Variants in TRAPPC8 observed in about 807,000 individuals in gnomAD.
The protein encoded by TRAPPC8 is trafficking protein particle complex subunit 8.
A neutral mutation model predicts 174.3 loss-of-function variants in TRAPPC8; 54 were observed. The ratio of observed to expected loss-of-function variants is 0.31; its 90% CI spans 0.25 to 0.39. The LOEUF is 0.39. Ranked by LOEUF, TRAPPC8 falls within the 10% of genes least tolerant of loss-of-function variation. The probability of loss-of-function intolerance (pLI) is 1.00; values close to 1 mark genes in which losing one functional copy is unlikely to be tolerated. For missense variants in TRAPPC8, 1,531 were observed against 1,699.1 expected, an observed-to-expected ratio of 0.90 and a Z score of 1.74; for synonymous variants, 630 against 579.9, an observed-to-expected ratio of 1.09 and a Z score of -1.24.
rs745891544 is a variant in TRAPPC8 at position 31,909,642 on chromosome 18, A to C, written c.865+25T>G. ...CAGTGCATATTTTCAATCAAAAGAGAAACTTAGAGAAAATATATCAAGACC... is the reference window on the plus strand; with the variant it reads ...CAGTGCATATTTTCAATCAAAAGAGCAACTTAGAGAAAATATATCAAGACC... On this transcript the variant is annotated intron_variant, in intron 6 of 28. Transcript: ENST00000283351. The C allele has an allele frequency of 1.9e-6, 3 of 1,581,956 alleles. No homozygotes were observed. In the African/African-American group the frequency reaches 4.1e-5, roughly 22 times the overall value.
intron 12 of TRAPPC8, among the ~76,000 whole-genome samples, chr18:31,888,970 A>T (rs1331350829): frequency 6.6e-6 from 1 of 152,180 alleles, no homozygotes; most frequent in Non-Finnish European, 1.5e-5. Flanking sequence ...ACTAGGCCTC[A>T]AGTCAGAATT....
chr18:31,861,425 T>A (rs1286211042), intron 19 of TRAPPC8, among the ~76,000 whole-genome samples: 2 of 151,990 alleles, frequency 1.3e-5, no homozygotes, highest in Non-Finnish European at 2.9e-5. Flanking sequence ...TTCAACAGAG[T>A]TAAAAATCCA....
intron 1 of TRAPPC8, among the ~76,000 whole-genome samples, chr18:31,936,403 G>A (rs1414506306): frequency 2.0e-5 from 3 of 152,120 alleles, no homozygotes; most frequent in Admixed American, 6.6e-5. Context: ...GGTCGAGGCT[G>A]CAGTGAACCA....
chr18:31,890,108 T>C (rs1448295534), intron 12 of TRAPPC8, among the ~76,000 whole-genome samples: 3 of 152,200 alleles, frequency 2.0e-5, no homozygotes, highest in African/African-American at 7.2e-5. Flanking sequence ...AATATAGAGA[T>C]GGTTGTTTAA....
intron 3 of TRAPPC8, among the ~76,000 whole-genome samples, chr18:31,916,817 A>G (rs2037170034): frequency 6.9e-6 from 1 of 145,124 alleles, no homozygotes; most frequent in African/African-American, 2.5e-5. Flanking sequence ...TATAGGCATG[A>G]GCCACCGTGC....
chr18:31,909,543 C>A, intron 6 of TRAPPC8, 124 bp downstream of exon 6: 1 of 1,406,218 alleles, frequency 7.1e-7, no homozygotes, highest in South Asian at 1.6e-5. Flanking sequence ...GAAAAACTAA[C>A]CTGCCCAATA....
chr18:31,940,845 A>T (rs1042367152), intron 1 of TRAPPC8, among the ~76,000 whole-genome samples: 5 of 152,154 alleles, frequency 3.3e-5, no homozygotes, highest in Non-Finnish European at 5.9e-5. Flanking sequence ...TCAATTAGAC[A>T]GCACTGCTCT....
intron 1 of TRAPPC8, among the ~76,000 whole-genome samples, chr18:31,937,815 T>C (rs1027610223): frequency 1.3e-5 from 2 of 152,096 alleles, no homozygotes; most frequent in African/African-American, 4.8e-5. Context: ...GTGATTCTCC[T>C]GCCTCAGCCT....
intron 2 of TRAPPC8, among the ~76,000 whole-genome samples, chr18:31,923,670 G>A (rs192392045): frequency 8.9e-4 from 134 of 151,204 alleles, no homozygotes; most frequent in Non-Finnish European, 1.6e-3. Flanking sequence ...GTACTTCATC[G>A]TATCTCATTC....
At chr18:31,862,118 T>C (rs975584242) in intron 19 of TRAPPC8, among the ~76,000 whole-genome samples, 1 of 152,146 alleles carries the variant, frequency 6.6e-6, no homozygotes, top group African/African-American at 2.4e-5. Flanking sequence ...AAAATGTTCA[T>C]TAGTTCAAGA....
chr18:31,832,363 CAAT>C (rs113509740), intron 27 of TRAPPC8, 190 bp from the exon 28 acceptor site: 4,830 of 233,742 alleles, frequency 0.021, 238 homozygotes, highest in African/African-American at 0.1. Flanking sequence ...TATATTAATA[CAAT>C]GACAATATTA....
chr18:31,836,966 G>T (rs564003646), intron 27 of TRAPPC8, among the ~76,000 whole-genome samples: 3 of 152,090 alleles, frequency 2.0e-5, no homozygotes, highest in South Asian at 4.1e-4. Flanking sequence ...GTTTCACCGT[G>T]TTAGCCAGGA....
intron 11 of TRAPPC8, among the ~76,000 whole-genome samples, chr18:31,892,168 A>G (rs2035979579): frequency 6.6e-6 from 1 of 152,238 alleles, no homozygotes; most frequent in South Asian, 2.1e-4. Context: ...TTTGAAGAAA[A>G]AAGTGAACAT....
At chr18:31,836,416 T>G (rs770945094) in intron 27 of TRAPPC8, among the ~76,000 whole-genome samples, 2 of 152,174 alleles carry the variant, frequency 1.3e-5, no homozygotes, top group Non-Finnish European at 2.9e-5. Flanking sequence ...CTAAGTAGAA[T>G]GATGTAGAGA....
rs117189548 is a variant in TRAPPC8, at chr18:31,931,167, T to C, written c.352+162A>G. On this transcript the variant is annotated intron_variant, in intron 2 of 28. Coordinates refer to ENST00000283351, the MANE Select transcript of TRAPPC8 (RefSeq NM_014939.5). ...GATACTACTTTAGGTCCTAAAATAATAAACAGGCAAAGTTCCTAGGACTGT... is the reference window on the plus strand; with the variant it reads ...GATACTACTTTAGGTCCTAAAATAACAAACAGGCAAAGTTCCTAGGACTGT... 4.5e-3 allele frequency among the ~76,000 whole-genome samples: 688 copies of C among 152,342 alleles called. 1 individual carries two copies. Among genetic ancestry groups the C allele is most frequent in the Non-Finnish European group, 6.1e-3 (415 of 68,024 alleles).
At chr18:31,918,021 C>G (rs8088396) in intron 2 of TRAPPC8, among the ~76,000 whole-genome samples, 93,552 of 151,840 alleles carry the variant, frequency 0.62, 29,248 homozygotes, top group South Asian at 0.76. Context: ...AGCTACTCAG[C>G]AGGCTGAGGC....
At chr18:31,908,675 C>T (rs1012960527) in intron 7 of TRAPPC8, 79 bp downstream of exon 7, 30 of 1,374,684 alleles carry the variant, frequency 2.2e-5, no homozygotes, top group Non-Finnish European at 2.7e-5. Flanking sequence ...TAAAACAAAA[C>T]TTCAAATACG....
chr18:31,868,258 A>C (rs1352293933), intron 16 of TRAPPC8, among the ~76,000 whole-genome samples: 1 of 152,200 alleles, frequency 6.6e-6, no homozygotes, highest in Non-Finnish European at 1.5e-5. Flanking sequence ...TTAGCACAAG[A>C]AACAAAAAAC....
At chr18:31,901,906 T>C (rs1304953330) in intron 9 of TRAPPC8, among the ~76,000 whole-genome samples, 2 of 152,264 alleles carry the variant, frequency 1.3e-5, no homozygotes, top group African/African-American at 4.8e-5. Context: ...TTAGGTGTGT[T>C]GTCCATCACT....
Sources: gnomAD v4.1 joint callset for allele counts (sites outside exome capture counted in the v4.1 genomes callset) on GRCh38, gnomAD v4.1.1 for gene constraint, MANE v1.5 for transcripts, NCBI Gene and HGNC (gene_info 2026-07-23, HGNC 2026-07-21) for gene names.